The following MTA3 variants were observed in gnomAD, a reference collection of about 807,000 sequenced individuals.
MTA3 encodes metastasis-associated protein MTA3.
Under a neutral mutation model 83.5 loss-of-function variants are expected in MTA3, and 34 were observed. That is an observed-to-expected ratio of 0.41 (90% CI 0.31 to 0.54). The LOEUF is 0.54. Ranked by LOEUF, MTA3 falls within the 20% of genes least tolerant of loss-of-function variation. MTA3 has a pLI of 0.33. For synonymous variants in MTA3, 303 were observed against 252.7 expected, an observed-to-expected ratio of 1.20 and a Z score of -1.89; for missense variants, 761 against 726.4, an observed-to-expected ratio of 1.05 and a Z score of -0.55.
intron 3 of MTA3, among the ~76,000 whole-genome samples, chr2:42,580,123 G>T (rs967919142): frequency 6.6e-6 from 1 of 151,848 alleles, no homozygotes; most frequent in African/African-American, 2.4e-5. Flanking sequence ...TTAAAAAAGC[G>T]TGTTACAGAG....
At chr2:42,646,458 G>C (rs757461567) in intron 6 of MTA3, among the ~76,000 whole-genome samples, 2 of 152,220 alleles carry the variant, frequency 1.3e-5, no homozygotes, top group African/African-American at 2.4e-5. Context: ...CTCCGTTCTA[G>C]ATGCCAGTAA....
At chr2:42,716,770 GTGAATA>G (rs1364033396) in intron 14 of MTA3, among the ~76,000 whole-genome samples, 1 of 152,058 alleles carries the variant, frequency 6.6e-6, no homozygotes, top group East Asian at 1.9e-4. Flanking sequence ...CTTTACTATT[GTGAATA>G]GTGTTGCAAT....
At chr2:42,548,861 T>TATATATATATATA (rs1558428441) in intron 2 of MTA3, among the ~76,000 whole-genome samples, 28 of 7,478 alleles carry the variant, frequency 3.7e-3, no homozygotes, top group East Asian at 0.011. Context: ...ATATATATAA[T>TATATATATATATA]ATATATATAT....
chr2:42,660,177 C>G (rs933286012), intron 8 of MTA3, among the ~76,000 whole-genome samples: 1 of 152,032 alleles, frequency 6.6e-6, no homozygotes, highest in Non-Finnish European at 1.5e-5. Flanking sequence ...CAACCTCCGC[C>G]TCCTGGGTTC....
At chr2:42,752,928 C>CT (rs369993784) in intron 16 of MTA3, among the ~76,000 whole-genome samples, 7,653 of 139,816 alleles carry the variant, frequency 0.055, 239 homozygotes, top group Non-Finnish European at 0.081. Context: ...CATTGTGAGC[C>CT]CTTTTTTTTT....
chr2:42,723,159 T>C (rs1227029267), intron 16 of MTA3, 124 bp downstream of exon 16: 18 of 1,205,218 alleles, frequency 1.5e-5, no homozygotes, highest in Non-Finnish European at 2.1e-5. Flanking sequence ...AAGTATGTGG[T>C]TGAGGAATAA....
At chr2:42,559,682 C>A (rs1677572913) in intron 2 of MTA3, among the ~76,000 whole-genome samples, 1 of 151,590 alleles carries the variant, frequency 6.6e-6, no homozygotes, top group African/African-American at 2.4e-5. Context: ...AGTTCGAGAC[C>A]AGCCTGACCA....
At chr2:42,647,647 G>A (rs967238627) in intron 6 of MTA3, among the ~76,000 whole-genome samples, 1 of 151,164 alleles carries the variant, frequency 6.6e-6, no homozygotes, top group East Asian at 1.9e-4. Context: ...TTTATAACTT[G>A]GTAGTTTTCT....
chr2:42,706,182 G>A (rs1428304810), intron 12 of MTA3, among the ~76,000 whole-genome samples: 3 of 152,008 alleles, frequency 2.0e-5, no homozygotes, highest in Non-Finnish European at 4.4e-5. Flanking sequence ...GCTAAATGAC[G>A]AGTTAATGGG....
intron 2 of MTA3, among the ~76,000 whole-genome samples, chr2:42,519,703 C>G (rs1675324536): frequency 6.6e-6 from 1 of 152,052 alleles, no homozygotes; most frequent in Admixed American, 6.6e-5. Flanking sequence ...GAATTTGAGA[C>G]CAGCCTGGGC....
intron 6 of MTA3, among the ~76,000 whole-genome samples, chr2:42,644,752 G>A (rs548872641): frequency 7.2e-5 from 11 of 152,102 alleles, no homozygotes. Flanking sequence ...TCTGTGATCA[G>A]TGATCTTAGA....
intron 4 of MTA3, among the ~76,000 whole-genome samples, chr2:42,611,707 T>A (rs568194968): frequency 3.9e-5 from 6 of 151,994 alleles, no homozygotes. Flanking sequence ...TCCCAGCTAA[T>A]TGGGGGGCTG....
intron 8 of MTA3, among the ~76,000 whole-genome samples, chr2:42,672,645 C>CAA (rs5830734): frequency 3.5e-4 from 18 of 51,566 alleles, no homozygotes; most frequent in East Asian, 1.4e-3. Flanking sequence ...ATTCCATCTC[C>CAA]AAAAAAAAAA....
chr2:42,607,169 C>T (rs1683570824), intron 3 of MTA3, among the ~76,000 whole-genome samples: 2 of 151,324 alleles, frequency 1.3e-5, no homozygotes, highest in Admixed American at 6.6e-5. Flanking sequence ...ACTTTTACCC[C>T]GCAAGTAAAA....
At chr2:42,750,504 G>C (rs1381267978) in intron 16 of MTA3, among the ~76,000 whole-genome samples, 1 of 152,120 alleles carries the variant, frequency 6.6e-6, no homozygotes, top group African/African-American at 2.4e-5. Flanking sequence ...GGCAGAACCT[G>C]TAGTGCAGTT....
intron 2 of MTA3, among the ~76,000 whole-genome samples, chr2:42,573,872 G>C (rs1678753588): frequency 1.3e-5 from 2 of 148,940 alleles, no homozygotes; most frequent in Non-Finnish European, 3.0e-5. Context: ...AGGCTAGAGT[G>C]CAGTGGCGCA....
At chr2:42,543,381 T>C (rs988527549) in intron 2 of MTA3, among the ~76,000 whole-genome samples, 4 of 152,152 alleles carry the variant, frequency 2.6e-5, no homozygotes, top group Non-Finnish European at 2.9e-5. Context: ...TTTCACTATG[T>C]TGGTCAGGCT....
At chr2:42,500,317 T>C (rs1674339217) in intron 2 of MTA3, among the ~76,000 whole-genome samples, 1 of 152,050 alleles carries the variant, frequency 6.6e-6, no homozygotes. Flanking sequence ...GAGAATCTCT[T>C]GGACCTGGGA....
chr2:42,609,626 A>T (rs371023670), intron 4 of MTA3, 42 bp downstream of exon 4: 3 of 1,534,410 alleles, frequency 2.0e-6, no homozygotes, highest in Non-Finnish European at 2.6e-6. Context: ...TACTACGGTG[A>T]CCAAAAAACA....
Sources: gnomAD v4.1 joint callset for allele counts (sites outside exome capture counted in the v4.1 genomes callset) on GRCh38, gnomAD v4.1.1 for gene constraint, MANE v1.5 for transcripts, NCBI Gene and HGNC (gene_info 2026-07-23, HGNC 2026-07-21) for gene names.